The following CNBD1 variants were observed in gnomAD, a reference collection of about 807,000 sequenced individuals.
The protein encoded by CNBD1 is cyclic nucleotide-binding domain-containing protein 1.
A neutral mutation model predicts 54.4 loss-of-function variants in CNBD1; 71 were observed. The observed-to-expected ratio is 1.30, with a 90% CI of 1.08 to 1.59. CNBD1 has a LOEUF of 1.59. CNBD1 is among the 40% of genes most tolerant of loss of function. The pLI is 0.00. For synonymous variants in CNBD1, 182 were observed against 170.7 expected (o/e 1.07, Z -0.51); for missense variants, 659 against 518.0 (o/e 1.27, Z -2.64).
rs148516297 is a variant in CNBD1 at position 86,930,011 on chromosome 8, G to A, written c.273-9585G>A. 8.8e-4 allele frequency among the ~76,000 whole-genome samples: 134 copies of A among 152,196 alleles called. 1 individual carries two copies. The highest frequency in any genetic ancestry group is 1.9e-3 in the South Asian group (9 of 4,820). ...GGCTTAAGGCTGGAGCTTGTACTAG[G>A]GCCTACTTTAAGGTTTTGAAGGCTG... On this transcript the variant is annotated intron_variant, in intron 3 of 10. Transcript: ENST00000518476.
intron 2 of CNBD1, among the ~76,000 whole-genome samples, chr8:87,390,391 C>G (rs1197024501): frequency 1.3e-5 from 2 of 152,056 alleles, no homozygotes; most frequent in African/African-American, 2.4e-5. Flanking sequence ...TGAACTTAAA[C>G]AAATTTACAA....
chr8:87,053,004 G>C (rs1810342387), intron 4 of CNBD1, among the ~76,000 whole-genome samples: 1 of 148,502 alleles, frequency 6.7e-6, no homozygotes, highest in East Asian at 2.0e-4. Flanking sequence ...CGATGATATA[G>C]CTGGAGGGGG....
intron 8 of CNBD1, among the ~76,000 whole-genome samples, chr8:87,298,163 T>G (rs1808916189): frequency 7.4e-6 from 1 of 134,918 alleles, no homozygotes. Context: ...TGTAACTACA[T>G]TGCTTTTTTT....
Position 87,351,788 on chromosome 8 carries a change from T to TA in CNBD1, c.1149dup (p.Val384SerfsTer14). On this transcript the variant is annotated frameshift_variant, in exon 9 of 11. Coordinates refer to ENST00000518476, the MANE Select transcript of CNBD1 (RefSeq NM_173538.3). LOFTEE classifies it high-confidence loss of function. ...TAGGATTTGTGAAACTACGATCAAA[T>TA]AAAGTGGTAAGTTTTCAACATGTAT... 2.0e-6 allele frequency: 3 copies of TA among 1,492,262 alleles called. No individual in the cohort carries two copies. The highest frequency in any genetic ancestry group is 1.8e-6 in the Non-Finnish European group (2 of 1,125,670). The allele number at this position is 1,492,262 out of a possible 1,614,324, so 92.4% of individuals were successfully genotyped here. A position where few individuals can be genotyped will look rare whatever the true frequency, so the allele number is the denominator to read the frequency against.
intron 3 of CNBD1, among the ~76,000 whole-genome samples, chr8:86,931,524 C>A (rs1382225362): frequency 6.6e-6 from 1 of 152,118 alleles, no homozygotes; most frequent in Non-Finnish European, 1.5e-5. Context: ...ACAAGCCCTA[C>A]TAGGTGATTG....
intron 4 of CNBD1, among the ~76,000 whole-genome samples, chr8:87,067,713 C>T (rs995997749): frequency 5.3e-5 from 8 of 151,914 alleles, no homozygotes; most frequent in African/African-American, 1.7e-4. Context: ...GAACAATGGC[C>T]ATCTGCTTTA....
intron 2 of CNBD1, among the ~76,000 whole-genome samples, chr8:87,400,277 C>T (rs999198380): frequency 1.3e-5 from 2 of 151,992 alleles, no homozygotes; most frequent in South Asian, 2.1e-4. Context: ...TTGCACCAAA[C>T]TAATAATTTC....
intron 10 of CNBD1, among the ~76,000 whole-genome samples, chr8:87,375,351 A>T (rs900298668): frequency 6.6e-6 from 1 of 151,896 alleles, no homozygotes; most frequent in East Asian, 1.9e-4. Flanking sequence ...AATTTAGCAC[A>T]TTTCAAAGAG....
chr8:87,006,684 C>T (rs1809104631), intron 4 of CNBD1, among the ~76,000 whole-genome samples: 2 of 152,100 alleles, frequency 1.3e-5, no homozygotes. Flanking sequence ...CCATACCAGG[C>T]CTCACTTCCG....
At chr8:87,010,427 T>C (rs1196086171) in intron 4 of CNBD1, among the ~76,000 whole-genome samples, 1 of 152,168 alleles carries the variant, frequency 6.6e-6, no homozygotes, top group Non-Finnish European at 1.5e-5. Context: ...TATTTTTATT[T>C]CTAGATTTTA....
At chr8:87,066,168 G>A (rs1563455558) in intron 4 of CNBD1, among the ~76,000 whole-genome samples, 2 of 151,928 alleles carry the variant, frequency 1.3e-5, no homozygotes, top group South Asian at 2.1e-4. Flanking sequence ...GTGTATCAAT[G>A]TATAATTTAA....
chr8:87,093,593 G>T (rs1176111773), intron 4 of CNBD1, among the ~76,000 whole-genome samples: 1 of 152,110 alleles, frequency 6.6e-6, no homozygotes. Context: ...TACCTTCACA[G>T]TAACGCCGAG....
chr8:87,121,888 A>T (rs746122363), intron 4 of CNBD1, among the ~76,000 whole-genome samples: 2 of 151,170 alleles, frequency 1.3e-5, no homozygotes, highest in Non-Finnish European at 3.0e-5. Flanking sequence ...GTGTGTGTGT[A>T]TATATATATA....
intron 3 of CNBD1, among the ~76,000 whole-genome samples, chr8:86,939,232 AC>A (rs1343576086): frequency 6.6e-6 from 1 of 152,192 alleles, no homozygotes; most frequent in East Asian, 1.9e-4. Context: ...CTAAAAAAAA[AC>A]ACTGAAAAAC....
At chr8:87,427,136 T>G (rs547056864) in intron 2 of CNBD1, among the ~76,000 whole-genome samples, 1 of 152,140 alleles carries the variant, frequency 6.6e-6, no homozygotes, top group Non-Finnish European at 1.5e-5. Context: ...GCTAGCATCC[T>G]TCATTCCTGA....
rs182733947 is a variant in CNBD1 at position 87,376,022 on chromosome 8, G to A, written c.1304-6598G>A. ...GTTGGTTGGCAAATTTAAAAATTAT[G>A]CAATATGAAGGATTATAACATCAAA... On this transcript the variant is annotated intron_variant, in intron 10 of 10. Transcript: ENST00000518476. Among the ~76,000 whole-genome samples the A allele has an allele frequency of 3.9e-3, 588 of 151,934 alleles. 7 individuals carry two copies. Among genetic ancestry groups the A allele is most frequent in the African/African-American group, 0.013 (556 of 41,468 alleles).
At chr8:87,417,645 T>G (rs1807858825) in intron 2 of CNBD1, among the ~76,000 whole-genome samples, 1 of 151,970 alleles carries the variant, frequency 6.6e-6, no homozygotes, top group Non-Finnish European at 1.5e-5. Flanking sequence ...TTGGCAATAT[T>G]GCAATATGCA....
intron 4 of CNBD1, among the ~76,000 whole-genome samples, chr8:87,158,826 C>T (rs142815764): frequency 2.3e-3 from 351 of 152,240 alleles, no homozygotes; most frequent in African/African-American, 8.2e-3. Flanking sequence ...ACTACAAAGA[C>T]AGCAAGCAAG....
intron 4 of CNBD1, among the ~76,000 whole-genome samples, chr8:86,952,497 T>A (rs912572923): frequency 7.9e-5 from 12 of 151,984 alleles, no homozygotes; most frequent in African/African-American, 2.7e-4. Context: ...AGAAAAATAT[T>A]TTACCTAATA....
Sources: gnomAD v4.1 joint callset for allele counts (sites outside exome capture counted in the v4.1 genomes callset) on GRCh38, gnomAD v4.1.1 for gene constraint, MANE v1.5 for transcripts, NCBI Gene and HGNC (gene_info 2026-07-23, HGNC 2026-07-21) for gene names.